The following MBD2 variants were observed in gnomAD, a reference collection of about 807,000 sequenced individuals.
The protein encoded by MBD2 is methyl-CpG binding domain protein 2.
In MBD2, 9 loss-of-function variants were observed where a neutral mutation model predicts 39.3. The observed-to-expected ratio is 0.23, with a 90% CI of 0.14 to 0.40. The LOEUF (loss-of-function observed/expected upper bound fraction) is 0.40. Ranked by LOEUF, MBD2 falls within the 10% of genes least tolerant of loss-of-function variation. MBD2 has a pLI of 1.00. For missense variants in MBD2, 458 were observed against 532.6 expected (o/e 0.86, Z 1.38); for synonymous variants, 233 against 211.1 (o/e 1.10, Z -0.90).
At chr18:54,222,304 G>A in intron 1 of MBD2, 1 of 492,234 alleles carries the variant, frequency 2.0e-6, no homozygotes, top group South Asian at 1.5e-5. Context: ...TTGAATGACA[G>A]CTGCCACTGG....
Position 54,224,229 on chromosome 18 carries a change from A to T in MBD2, c.331T>A (p.Cys111Ser). ...CCGCCACCGCTGCCGCCGCCGCCGC[A>T]GCCGCCGCCGTCGCCGCCAAGGCCG... ...GSGLGGDGGG[C>S]GGGGSGGGGA... is the part of the protein sequence containing the mutation. The change falls in exon 1 of 7, where the codon TGC becomes AGC. Residue 111 changes from cysteine to serine, a missense_variant. Around this residue, in one of 2 missense-constraint regions of MBD2, gnomAD observed 269 missense variants for 236.0 expected, o/e 1.14. Coordinates refer to ENST00000256429, the MANE Select transcript of MBD2 (RefSeq NM_003927.5). 4 of 829,028 alleles carry T rather than the reference A, an allele frequency of 4.8e-6. No individual in the cohort carries two copies. The highest frequency in any genetic ancestry group is 4.4e-6 in the Non-Finnish European group (3 of 675,268). The allele number at this position is 829,028 out of a possible 1,614,324, so 51.4% of individuals were successfully genotyped here.
At chr18:54,167,317 C>T (rs2086141486) in intron 3 of MBD2, among the ~76,000 whole-genome samples, 2 of 152,148 alleles carry the variant, frequency 1.3e-5, no homozygotes, top group Non-Finnish European at 1.5e-5. Flanking sequence ...GGTCTAAACC[C>T]ATGCTGAAAT....
intron 6 of MBD2, among the ~76,000 whole-genome samples, chr18:54,157,279 G>A (rs1409216839): frequency 7.3e-6 from 1 of 136,774 alleles, no homozygotes; most frequent in Non-Finnish European, 1.6e-5. Context: ...TTTTTTTTTT[G>A]AGACAGAGTC....
chr18:54,160,105 G>A, intron 5 of MBD2: 1 of 542,646 alleles, frequency 1.8e-6, no homozygotes, highest in South Asian at 2.4e-5. Flanking sequence ...TGTTCACAGA[G>A]GCAGTTATCC....
At position 54,187,935 on chromosome 18, in the gene MBD2, T is replaced by C. The variant is rs183589373; in HGVS notation, c.840+939A>G. On this transcript the variant is annotated intron_variant, in intron 3 of 6. Coordinates refer to ENST00000256429, the MANE Select transcript of MBD2 (RefSeq NM_003927.5). The stretch of plus-strand genomic sequence containing the variant: ...CTGAAAGTTTTGGCCCAATCCTTTA[T>C]GAAGTCTGGAGATGAGACACTTGAA... 21 of 833,660 alleles carry C rather than the reference T, an allele frequency of 2.5e-5. No individual in the cohort carries two copies. In the East Asian group the frequency reaches 1.4e-3, roughly 54 times the overall value. The allele number at this position is 833,660 out of a possible 1,614,324, so 51.6% of individuals were successfully genotyped here.
intron 1 of MBD2, among the ~76,000 whole-genome samples, chr18:54,216,755 C>CA (rs374595273): frequency 0.056 from 8,276 of 146,814 alleles, 309 homozygotes; most frequent in Non-Finnish European, 0.09. Flanking sequence ...ACACAGCATT[C>CA]AAAAAAAAAA....
At chr18:54,180,965 C>CCCG (rs2086248170) in intron 3 of MBD2, among the ~76,000 whole-genome samples, 1 of 133,824 alleles carries the variant, frequency 7.5e-6, no homozygotes, top group Non-Finnish European at 1.5e-5. Flanking sequence ...GGCCTGATCT[C>CCCG]GGCTCACTGC....
intron 3 of MBD2, among the ~76,000 whole-genome samples, chr18:54,168,421 G>A (rs963972154): frequency 6.6e-6 from 1 of 151,714 alleles, no homozygotes; most frequent in South Asian, 2.1e-4. Flanking sequence ...AACTACAGCT[G>A]AAGTTAGAAT....
At chr18:54,176,786 G>C (rs1363819422) in intron 3 of MBD2, among the ~76,000 whole-genome samples, 2 of 152,206 alleles carry the variant, frequency 1.3e-5, no homozygotes, top group Admixed American at 1.3e-4. Flanking sequence ...TAAGAAGAAA[G>C]AGCTAGATAA....
intron 6 of MBD2, 90 bp from the exon 7 acceptor site, chr18:54,155,401 T>C (rs969586245): frequency 2.0e-5 from 3 of 151,954 alleles, no homozygotes; most frequent in Non-Finnish European, 4.4e-5. Flanking sequence ...GAATTAGAGA[T>C]TGAATTCCAC....
chr18:54,198,557 T>A (rs2086382911), intron 2 of MBD2, among the ~76,000 whole-genome samples: 1 of 151,988 alleles, frequency 6.6e-6, no homozygotes, highest in South Asian at 2.1e-4. Flanking sequence ...CTACAAAAAA[T>A]ACAAAACGTT....
At chr18:54,204,623 T>G (rs2086434896) in intron 2 of MBD2, among the ~76,000 whole-genome samples, 1 of 152,180 alleles carries the variant, frequency 6.6e-6, no homozygotes, top group East Asian at 1.9e-4. Flanking sequence ...AATCTGAACC[T>G]GAAAATCAAT....
chr18:54,153,427 C>G lies in MBD2; in HGVS notation c.*1897G>C, dbSNP rs957759835. ...GGGACACCATATAATGGCTTTCATACCTTGTTCTCCACCTGAGCAAAGTAT... is the reference window on the plus strand; with the variant it reads ...GGGACACCATATAATGGCTTTCATAGCTTGTTCTCCACCTGAGCAAAGTAT... On this transcript the variant is annotated 3_prime_UTR_variant, in exon 7 of 7. Coordinates refer to ENST00000256429, the MANE Select transcript of MBD2 (RefSeq NM_003927.5). The G allele has an allele frequency of 2.6e-5, 4 of 151,934 alleles. No individual in the cohort carries two copies. Among genetic ancestry groups the G allele is most frequent in the African/African-American group, 7.3e-5 (3 of 41,356 alleles). The allele number at this position is 151,934 out of a possible 1,614,324, so 9.4% of individuals were successfully genotyped here. A position where few individuals can be genotyped will look rare whatever the true frequency, so the allele number is the denominator to read the frequency against.
rs1285541741 is a variant in MBD2, at chr18:54,155,068, C to G, written c.*256G>C. On this transcript the variant is annotated 3_prime_UTR_variant, in exon 7 of 7. Coordinates refer to ENST00000256429, the MANE Select transcript of MBD2 (RefSeq NM_003927.5). Reference sequence around the variant, plus strand: ...ATTGCACCTGGCATCAAAAGCTCAGCTTCATCTTAGGGTCCTGCTTGATAT... The same window carrying G: ...ATTGCACCTGGCATCAAAAGCTCAGGTTCATCTTAGGGTCCTGCTTGATAT... 1.3e-5 allele frequency: 2 copies of G among 152,510 alleles called. No individual in the cohort carries two copies. Among genetic ancestry groups the G allele is most frequent in the Admixed American group, 1.3e-4 (2 of 15,262 alleles). 9.4% of individuals were successfully genotyped at this position (152,510 alleles called of 1,614,324 possible).
At chr18:54,195,283 A>T (rs1039331248) in intron 2 of MBD2, among the ~76,000 whole-genome samples, 2 of 152,086 alleles carry the variant, frequency 1.3e-5, no homozygotes, top group Non-Finnish European at 2.9e-5. Context: ...AATTGTACAT[A>T]TTCTAGGGTC....
At chr18:54,161,378 G>C (rs541807453) in intron 5 of MBD2, among the ~76,000 whole-genome samples, 1 of 152,276 alleles carries the variant, frequency 6.6e-6, no homozygotes, top group East Asian at 1.9e-4. Context: ...ACTGGAATTT[G>C]ACAGATTTTC....
chr18:54,157,302 C>G (rs2086059500), intron 6 of MBD2, among the ~76,000 whole-genome samples: 1 of 151,862 alleles, frequency 6.6e-6, no homozygotes, highest in African/African-American at 2.4e-5. Flanking sequence ...ACTCTATCAC[C>G]CAGGCTGTAG....
chr18:54,190,312 G>T (rs939834976), intron 2 of MBD2, among the ~76,000 whole-genome samples: 5 of 152,116 alleles, frequency 3.3e-5, no homozygotes, highest in African/African-American at 1.2e-4. Flanking sequence ...GTTCTCCCCA[G>T]GTCTGTTTGG....
At chr18:54,197,877 G>A (rs2086378460) in intron 2 of MBD2, among the ~76,000 whole-genome samples, 1 of 152,200 alleles carries the variant, frequency 6.6e-6, no homozygotes, top group African/African-American at 2.4e-5. Context: ...AGGGACTTTA[G>A]GGCCTAGAAA....
Sources: allele counts gnomAD v4.1 joint callset (sites outside exome capture counted in the v4.1 genomes callset), GRCh38; gene constraint gnomAD v4.1.1; regional missense constraint gnomAD v4.1.1; transcripts MANE v1.5; gene names NCBI Gene and HGNC (gene_info 2026-07-23, HGNC 2026-07-21).